Variants in EXOC1 observed in about 807,000 individuals in gnomAD.
EXOC1 encodes exocyst complex component 1.
In EXOC1, 67 loss-of-function variants were observed where a neutral mutation model predicts 107.7. The ratio of observed to expected loss-of-function variants is 0.62; its 90% CI spans 0.51 to 0.76. EXOC1 has a LOEUF of 0.76. Ranked by LOEUF, EXOC1 falls within the 30% of genes least tolerant of loss-of-function variation. EXOC1 has a pLI of 0.00. For missense variants in EXOC1, 833 were observed against 1,055.7 expected, an observed-to-expected ratio of 0.79 and a Z score of 2.92; for synonymous variants, 348 against 353.5, an observed-to-expected ratio of 0.98 and a Z score of 0.17.
intron 1 of EXOC1, among the ~76,000 whole-genome samples, chr4:55,855,885 A>G (rs1442434676): frequency 6.6e-6 from 1 of 152,206 alleles, no homozygotes; most frequent in African/African-American, 2.4e-5. Flanking sequence ...ACTCTATAAT[A>G]AGCCAAAAGG....
At chr4:55,882,404 T>C (rs1723486944) in intron 9 of EXOC1, among the ~76,000 whole-genome samples, 1 of 152,178 alleles carries the variant, frequency 6.6e-6, no homozygotes, top group Admixed American at 6.5e-5. Context: ...CTTCCTGTGG[T>C]CTTTCCTATC....
intron 1 of EXOC1, among the ~76,000 whole-genome samples, chr4:55,857,420 G>T (rs1281350301): frequency 6.6e-6 from 1 of 151,694 alleles, no homozygotes; most frequent in Non-Finnish European, 1.5e-5. Context: ...CGCCCGCCTC[G>T]GCCTCCCAAA....
At chr4:55,855,368 G>T (rs1156454552) in intron 1 of EXOC1, among the ~76,000 whole-genome samples, 1 of 152,172 alleles carries the variant, frequency 6.6e-6, no homozygotes, top group African/African-American at 2.4e-5. Flanking sequence ...AGGGAATAGG[G>T]AAGCAAATAT....
intron 18 of EXOC1, among the ~76,000 whole-genome samples, chr4:55,903,901 T>C (rs149300331): frequency 1.3e-5 from 2 of 152,294 alleles, no homozygotes; most frequent in East Asian, 3.9e-4. Context: ...AAGAAAACTT[T>C]AAATGTTATA....
chr4:55,862,528 T>G (rs1721573541), intron 3 of EXOC1, among the ~76,000 whole-genome samples: 1 of 152,216 alleles, frequency 6.6e-6, no homozygotes, highest in African/African-American at 2.4e-5. Context: ...TCATATTGGT[T>G]GCCAATACTC....
chr4:55,871,207 A>G lies in EXOC1; in HGVS notation c.938A>G (p.Gln313Arg), dbSNP rs748274634. 1.2e-6 allele frequency: 2 copies of G among 1,613,620 alleles called. No individual in the cohort carries two copies. The highest frequency in any genetic ancestry group is 1.1e-5 in the South Asian group (1 of 91,042). Residue 313 changes from glutamine (Q) to arginine (R), a missense_variant, in exon 7 of 19, where the codon CAG becomes CGG. By Grantham distance (43) the Gln-to-Arg change is conservative (BLOSUM62 1). Transcript: ENST00000381295. ...ACTNAADALL[Q>R]CMNVALRPGH... ...ACCAATGCTGCTGATGCCCTTCTGC[A>G]GTGCATGAATGTAGCTCTTCGACCA...
chr4:55,875,010 C>A (rs549174411), intron 8 of EXOC1, among the ~76,000 whole-genome samples: 15 of 152,116 alleles, frequency 9.9e-5, no homozygotes. Context: ...CCTCATGATT[C>A]TATCTACTTT....
In EXOC1 at chr4:55,871,955, A is replaced by G. The variant is rs1251651515; in HGVS notation, c.1071A>G (p.Gln357=). 6.2e-7 allele frequency: 1 copy of G among 1,612,570 alleles called. No homozygotes were observed. Among genetic ancestry groups the G allele is most frequent in the South Asian group, 1.1e-5 (1 of 90,900 alleles). Residue 357 remains glutamine (Q), a synonymous_variant, in exon 8 of 19, where the codon CAA becomes CAG. Coordinates refer to ENST00000381295, the MANE Select transcript of EXOC1 (RefSeq NM_001024924.2). ...LASHLNNVFV[Q]QGHDQSSTLA... is the part of the protein sequence containing the mutation. ...GTCACCTCAACAATGTTTTTGTTCA[A>G]CAGGTAATTTTATTTTATTATTAAA...
chr4:55,896,682 G>A (rs369035579), intron 15 of EXOC1, 35 bp from the exon 16 acceptor site: 1 of 1,530,136 alleles, frequency 6.5e-7, no homozygotes, highest in Non-Finnish European at 8.8e-7. Flanking sequence ...AAGTTGCTTG[G>A]TTATTTATCT....
chr4:55,868,814 C>A, intron 5 of EXOC1: 1 of 255,226 alleles, frequency 3.9e-6, no homozygotes, highest in East Asian at 7.1e-5. Flanking sequence ...AGTTGATTCG[C>A]TCAGCCTCTG....
At chr4:55,899,963 T>C (rs772082268) in intron 17 of EXOC1, 79 bp downstream of exon 17, 28 of 1,261,114 alleles carry the variant, frequency 2.2e-5, no homozygotes, top group Non-Finnish European at 2.7e-5. Flanking sequence ...CCTGCAGACA[T>C]TTATCTTAAA....
At chr4:55,879,873 A>G (rs1051622197) in intron 9 of EXOC1, among the ~76,000 whole-genome samples, 5 of 152,176 alleles carry the variant, frequency 3.3e-5, no homozygotes, top group Non-Finnish European at 5.9e-5. Context: ...TAAGAAATCT[A>G]ATGCATAAGC....
chr4:55,871,268 G>A, intron 7 of EXOC1, 35 bp downstream of exon 7: 2 of 1,592,804 alleles, frequency 1.3e-6, no homozygotes, highest in South Asian at 1.1e-5. Context: ...ATGTGACCAA[G>A]AATGTGAGAC....
chr4:55,902,063 A>T (rs1353299317), intron 17 of EXOC1: 2 of 201,786 alleles, frequency 9.9e-6, no homozygotes, highest in Non-Finnish European at 2.0e-5. Context: ...TTATGCAGCC[A>T]TTAAAATTTA....
intron 10 of EXOC1, among the ~76,000 whole-genome samples, chr4:55,884,153 G>T (rs988042876): frequency 2.0e-5 from 3 of 152,184 alleles, no homozygotes; most frequent in Non-Finnish European, 4.4e-5. Context: ...GACAGCGATT[G>T]TGTATTCATG....
intron 10 of EXOC1, among the ~76,000 whole-genome samples, chr4:55,885,019 C>T (rs17086112): frequency 0.064 from 9,698 of 152,026 alleles, 378 homozygotes; most frequent in Non-Finnish European, 0.077. Flanking sequence ...AGTAGGCTTT[C>T]GGAAACAGAA....
rs1214734068 is a variant in EXOC1 at position 55,902,424 on chromosome 4, AC to A, written c.2419del (p.Gln807LysfsTer15). On this transcript the variant is annotated frameshift_variant, in exon 18 of 19. Coordinates refer to ENST00000381295, the MANE Select transcript of EXOC1 (RefSeq NM_001024924.2). LOFTEE classifies it high-confidence loss of function. ...EVSYQLAFNK[Q>X]ELRKVIKEYP... ...TAAGTTACCAACTTGCATTTAACAA[AC>A]AAGAACTTCGTAAAGTCATTAAGGA... 6.3e-7 allele frequency: 1 copy of A among 1,590,168 alleles called. No individual in the cohort carries two copies. Among genetic ancestry groups the A allele is most frequent in the South Asian group, 1.1e-5 (1 of 87,098 alleles).
chr4:55,868,081 A>G (rs971845756), intron 4 of EXOC1, among the ~76,000 whole-genome samples: 6 of 152,120 alleles, frequency 3.9e-5, no homozygotes, highest in Non-Finnish European at 7.4e-5. Flanking sequence ...ACTGTGGTGA[A>G]AGCCTGTTTT....
intron 4 of EXOC1, among the ~76,000 whole-genome samples, chr4:55,866,223 A>G (rs1440877218): frequency 1.3e-5 from 2 of 152,214 alleles, no homozygotes; most frequent in African/African-American, 4.8e-5. Context: ...ATTGTTGACA[A>G]TTGAATACGT....
Sources: allele counts gnomAD v4.1 joint callset (sites outside exome capture counted in the v4.1 genomes callset), GRCh38; gene constraint gnomAD v4.1.1; transcripts MANE v1.5; gene names NCBI Gene and HGNC (gene_info 2026-07-23, HGNC 2026-07-21).